Variants in CDC42BPA observed in about 807,000 individuals in gnomAD.
CDC42BPA encodes the protein CDC42 binding protein kinase alpha, also known as serine/threonine-protein kinase MRCK alpha.
A neutral mutation model predicts 223.5 loss-of-function variants in CDC42BPA; 80 were observed. That is an observed-to-expected ratio of 0.36 (90% CI 0.30 to 0.43). CDC42BPA has a LOEUF of 0.43. Ranked by LOEUF, CDC42BPA falls within the 20% of genes least tolerant of loss-of-function variation. The pLI, the probability that CDC42BPA is intolerant of heterozygous loss-of-function variation, is 1.00. For missense variants in CDC42BPA, 1,743 were observed against 2,099.9 expected, an observed-to-expected ratio of 0.83 and a Z score of 3.32; for synonymous variants, 694 against 718.6, an observed-to-expected ratio of 0.97 and a Z score of 0.55.
chr1:227,117,922 C>A (rs1393851490), intron 12 of CDC42BPA, among the ~76,000 whole-genome samples: 1 of 151,470 alleles, frequency 6.6e-6, no homozygotes, highest in African/African-American at 2.4e-5. Context: ...ATTCTTATAA[C>A]CAGTAAGAAA....
At chr1:227,288,988 CTT>C (rs1032791374) in intron 1 of CDC42BPA, among the ~76,000 whole-genome samples, 9 of 150,514 alleles carry the variant, frequency 6.0e-5, no homozygotes, top group Admixed American at 3.4e-4. Flanking sequence ...GAGCAAAACT[CTT>C]GTTTCAAAAA....
At chr1:227,073,301 C>G (rs1678805134) in intron 19 of CDC42BPA, among the ~76,000 whole-genome samples, 1 of 152,116 alleles carries the variant, frequency 6.6e-6, no homozygotes, top group Admixed American at 6.5e-5. Context: ...ATGATTCACT[C>G]TAGTGTTGTG....
intron 11 of CDC42BPA, among the ~76,000 whole-genome samples, chr1:227,125,741 G>T (rs1363845426): frequency 2.6e-5 from 4 of 152,018 alleles, no homozygotes; most frequent in Non-Finnish European, 5.9e-5. Context: ...ACCTGGGTTG[G>T]GTTTCGGATC....
intron 1 of CDC42BPA, among the ~76,000 whole-genome samples, chr1:227,300,437 G>T (rs6691882): frequency 0.31 from 46,772 of 151,924 alleles, 7,379 homozygotes; most frequent in East Asian, 0.37. Context: ...AACCAATGTA[G>T]GGATAAAGAA....
chr1:227,063,064 AGTGT>A (rs1676258936), intron 21 of CDC42BPA, among the ~76,000 whole-genome samples: 2 of 152,146 alleles, frequency 1.3e-5, no homozygotes, highest in African/African-American at 4.8e-5. Flanking sequence ...TTCTTACCAA[AGTGT>A]TTACTTAGAA....
intron 1 of CDC42BPA, among the ~76,000 whole-genome samples, chr1:227,256,457 CACATGTATCCCAGA>C (rs1470047430): frequency 6.6e-6 from 1 of 151,976 alleles, no homozygotes; most frequent in African/African-American, 2.4e-5. Context: ...GCATGTTCTG[CACATGTATCCCAGA>C]ACTTAAAAGT....
At chr1:227,047,295 A>C (rs896267267) in intron 23 of CDC42BPA, among the ~76,000 whole-genome samples, 5 of 152,046 alleles carry the variant, frequency 3.3e-5, no homozygotes, top group Non-Finnish European at 7.4e-5. Flanking sequence ...TTCATGTTCT[A>C]TCTGGCCTTA....
At chr1:227,029,283 A>G (rs753559792) in intron 29 of CDC42BPA, 33 bp from the exon 30 acceptor site, 21 of 1,342,140 alleles carry the variant, frequency 1.6e-5, no homozygotes, top group Middle Eastern at 1.9e-4. Flanking sequence ...ATCAAAATAT[A>G]GTTTTATTGA....
At chr1:227,095,098 A>G (rs997761582) in intron 15 of CDC42BPA, among the ~76,000 whole-genome samples, 3 of 152,222 alleles carry the variant, frequency 2.0e-5, no homozygotes, top group Non-Finnish European at 2.9e-5. Context: ...CTATTGCACC[A>G]TCTGCTTTAC....
At chr1:227,055,131 G>C (rs1205834387) in intron 21 of CDC42BPA, among the ~76,000 whole-genome samples, 2 of 151,808 alleles carry the variant, frequency 1.3e-5, no homozygotes, top group African/African-American at 2.4e-5. Flanking sequence ...AAAGGACAAA[G>C]CTTGGTAAAG....
At chr1:227,250,951 G>A (rs1681895358) in intron 2 of CDC42BPA, among the ~76,000 whole-genome samples, 1 of 152,136 alleles carries the variant, frequency 6.6e-6, no homozygotes, top group African/African-American at 2.4e-5. Context: ...TACCCAGGAT[G>A]CTGAGGCAGG....
intron 3 of CDC42BPA, among the ~76,000 whole-genome samples, chr1:227,207,505 TCCCTCCC>T (rs1374389231): frequency 9.8e-6 from 1 of 102,328 alleles, no homozygotes; most frequent in Non-Finnish European, 2.0e-5. Flanking sequence ...CCCAATGCTA[TCCCTCCC>T]CCCTCCCCCC....
chr1:227,194,273 C>T (rs780038110), intron 4 of CDC42BPA, among the ~76,000 whole-genome samples: 1 of 152,000 alleles, frequency 6.6e-6, no homozygotes, highest in Non-Finnish European at 1.5e-5. Context: ...ACATTTGAAT[C>T]CACCCCCTCC....
At chr1:227,129,702 C>T (rs1571846321) in intron 10 of CDC42BPA, among the ~76,000 whole-genome samples, 1 of 70,918 alleles carries the variant, frequency 1.4e-5, no homozygotes, top group Non-Finnish European at 2.9e-5. Context: ...AAATCCACTG[C>T]ATATATATAT....
At chr1:227,018,625 C>G (rs571931075) in intron 32 of CDC42BPA, among the ~76,000 whole-genome samples, 1 of 152,140 alleles carries the variant, frequency 6.6e-6, no homozygotes, top group Admixed American at 6.5e-5. Flanking sequence ...AAGGTGGAGC[C>G]AATCTTATAC....
chr1:227,087,629 C>T (rs531216164), intron 16 of CDC42BPA, among the ~76,000 whole-genome samples: 3 of 152,156 alleles, frequency 2.0e-5, no homozygotes, highest in Non-Finnish European at 4.4e-5. Flanking sequence ...GAATTGCTAT[C>T]CCAACAATAT....
At chr1:227,059,374 C>T (rs200398305) in intron 21 of CDC42BPA, 24 of 1,562,374 alleles carry the variant, frequency 1.5e-5, no homozygotes, top group Middle Eastern at 1.7e-4. Context: ...GTCTCTTACA[C>T]GTCTGCCTTT....
chr1:227,201,663 G>A (rs968200491), intron 3 of CDC42BPA, among the ~76,000 whole-genome samples: 4 of 123,734 alleles, frequency 3.2e-5, no homozygotes, highest in Admixed American at 8.0e-5. Context: ...AAGCATGCAT[G>A]TGCACGTGCA....
chr1:227,172,684 C>T (rs1193432572), intron 5 of CDC42BPA, among the ~76,000 whole-genome samples: 2 of 151,732 alleles, frequency 1.3e-5, no homozygotes, highest in African/African-American at 2.4e-5. Flanking sequence ...GGAAACTGGG[C>T]GAAAGGTACA....
Sources: gnomAD v4.1 joint callset for allele counts (sites outside exome capture counted in the v4.1 genomes callset) on GRCh38, gnomAD v4.1.1 for gene constraint, MANE v1.5 for transcripts, NCBI Gene and HGNC (gene_info 2026-07-23, HGNC 2026-07-21) for gene names.